Variants in PREX2 observed in about 807,000 individuals in gnomAD.
The protein encoded by PREX2 is phosphatidylinositol-3,4,5-trisphosphate dependent Rac exchange factor 2, also known as phosphatidylinositol 3,4,5-trisphosphate-dependent Rac exchanger 2 protein.
A neutral mutation model predicts 203.2 loss-of-function variants in PREX2; 107 were observed. The ratio of observed to expected loss-of-function variants is 0.53; its 90% CI spans 0.45 to 0.62. The LOEUF (loss-of-function observed/expected upper bound fraction) is 0.62, where lower values mean the gene tolerates loss of function less well. Among genes scored for constraint, PREX2 ranks in the 20% least tolerant of loss-of-function variants. The pLI is 0.00. For synonymous variants in PREX2, 672 were observed against 663.6 expected (o/e 1.01, Z -0.19); for missense variants, 1,777 against 1,955.9 (o/e 0.91, Z 1.72).
At chr8:68,059,752 A>G (rs142765912) in intron 10 of PREX2, among the ~76,000 whole-genome samples, 14 of 152,284 alleles carry the variant, frequency 9.2e-5, no homozygotes, top group African/African-American at 3.4e-4. Context: ...TTCAGTGCCA[A>G]GCTTATTCAG....
In PREX2 at chr8:67,976,472, CAG is replaced by C. The variant is rs1166661527; in HGVS notation, c.141+23950_141+23951del. On this transcript the variant is annotated intron_variant, in intron 1 of 39. Transcript: ENST00000288368. ...ACAGAGAGAGAGAGAGAGACAGAGA[CAG>C]AGAGAGAGAGAGGGGAGAGAGACAG... Among the ~76,000 whole-genome samples, 108 of 66,066 alleles carry C rather than the reference CAG, an allele frequency of 1.6e-3. 3 individuals carry two copies. The highest frequency in any genetic ancestry group is 6.0e-3 in the East Asian group (11 of 1,828). The allele number at this position is 66,066 out of a possible 152,430, so 43.3% of individuals were successfully genotyped here.
chr8:68,065,879 T>C (rs1458377828), intron 11 of PREX2, among the ~76,000 whole-genome samples: 6 of 152,224 alleles, frequency 3.9e-5, no homozygotes, highest in Non-Finnish European at 5.9e-5. Context: ...AGAGATTTAG[T>C]AGGAGATTCC....
At chr8:68,082,046 A>G (rs1162304729) in intron 17 of PREX2, among the ~76,000 whole-genome samples, 2 of 151,856 alleles carry the variant, frequency 1.3e-5, no homozygotes, top group Non-Finnish European at 2.9e-5. Context: ...TCATTCATTC[A>G]TTCATTCATT....
chr8:68,061,650 C>T (rs942564025), intron 11 of PREX2, among the ~76,000 whole-genome samples: 3 of 152,138 alleles, frequency 2.0e-5, no homozygotes, highest in Admixed American at 1.3e-4. Flanking sequence ...TATTCTGAGC[C>T]TTCTTCTCTG....
At chr8:68,139,878 G>T (rs1291227763) in intron 33 of PREX2, among the ~76,000 whole-genome samples, 1 of 152,160 alleles carries the variant, frequency 6.6e-6, no homozygotes, top group African/African-American at 2.4e-5. Flanking sequence ...AACAAATTGT[G>T]TGGTTTTCTG....
At chr8:68,097,376 G>A (rs1437781074) in intron 22 of PREX2, among the ~76,000 whole-genome samples, 175 bp downstream of exon 22, 1 of 151,098 alleles carries the variant, frequency 6.6e-6, no homozygotes, top group East Asian at 1.9e-4. Context: ...CCAGGTGAGA[G>A]TGCAGTGGCG....
intron 8 of PREX2, among the ~76,000 whole-genome samples, chr8:68,046,414 A>G (rs1437301880): frequency 6.6e-6 from 1 of 152,058 alleles, no homozygotes; most frequent in Non-Finnish European, 1.5e-5. Flanking sequence ...ATTGTAAGGG[A>G]ATGAGATCCT....
chr8:68,054,772 T>C (rs936948088), intron 9 of PREX2, among the ~76,000 whole-genome samples: 1 of 152,208 alleles, frequency 6.6e-6, no homozygotes, highest in Non-Finnish European at 1.5e-5. Flanking sequence ...TGTTTTCACC[T>C]GAGTCCTGGA....
chr8:67,973,702 A>G (rs572563962), intron 1 of PREX2, among the ~76,000 whole-genome samples: 1 of 152,254 alleles, frequency 6.6e-6, no homozygotes, highest in African/African-American at 2.4e-5. Context: ...TTGCATTACT[A>G]TGTATGTGGG....
chr8:68,128,709 C>T (rs750680506), intron 31 of PREX2, among the ~76,000 whole-genome samples: 5 of 152,146 alleles, frequency 3.3e-5, no homozygotes, highest in African/African-American at 4.8e-5. Context: ...TTGCCACCTT[C>T]TACTGGCCCC....
At chr8:68,126,907 C>CGT (rs929548671) in intron 30 of PREX2, among the ~76,000 whole-genome samples, 3 of 150,022 alleles carry the variant, frequency 2.0e-5, no homozygotes, top group South Asian at 2.1e-4. Flanking sequence ...TACATATATA[C>CGT]GTGTGTGTGT....
At chr8:68,199,648 G>T (rs529369362) in intron 37 of PREX2, among the ~76,000 whole-genome samples, 55 of 152,266 alleles carry the variant, frequency 3.6e-4, no homozygotes, top group Non-Finnish European at 5.3e-4. Context: ...AAATGAAGAT[G>T]AACAGTATAA....
At chr8:68,213,168 A>G (rs1812773122) in intron 37 of PREX2, among the ~76,000 whole-genome samples, 2 of 152,242 alleles carry the variant, frequency 1.3e-5, no homozygotes. Context: ...CAGCAAACCT[A>G]GCCTGACTGC....
rs745582647 is a variant in PREX2, at chr8:68,044,525, G to A, written c.878G>A (p.Arg293Gln). The A allele has an allele frequency of 6.2e-6, 10 of 1,612,292 alleles. No individual in the cohort carries two copies. Among genetic ancestry groups the A allele is most frequent in the East Asian group, 2.2e-5 (1 of 44,854 alleles). The change falls in exon 8 of 40, where the codon CGG (arginine) becomes CAG (glutamine). Residue 293 changes from arginine to glutamine, a missense_variant. Coordinates refer to ENST00000288368, the MANE Select transcript of PREX2 (RefSeq NM_024870.4). ...AGCAAGGCATCTACAGATGGACATC[G>A]GTACCTTTTTCGTGGCCGGATCAAC... ...KNSKASTDGH[R>Q]YLFRGRINTE...
At chr8:68,027,180 G>C in intron 4 of PREX2, 42 bp from the exon 5 acceptor site, 16 of 1,408,692 alleles carry the variant, frequency 1.1e-5, no homozygotes, top group Non-Finnish European at 1.6e-5. Context: ...CACAGCGTGA[G>C]ATTATTAAAG....
chr8:68,106,948 ACT>A (rs1161181800), intron 23 of PREX2, among the ~76,000 whole-genome samples: 1 of 152,112 alleles, frequency 6.6e-6, no homozygotes, highest in Non-Finnish European at 1.5e-5. Flanking sequence ...GTAGCTAGTG[ACT>A]CTGAATCCTT....
intron 37 of PREX2, among the ~76,000 whole-genome samples, chr8:68,210,047 CA>C (rs1435833741): frequency 6.6e-6 from 1 of 152,210 alleles, no homozygotes; most frequent in Non-Finnish European, 1.5e-5. Flanking sequence ...AAGTAACTTT[CA>C]AAGTCTAAAC....
At chr8:68,143,281 C>G (rs1322017726) in intron 33 of PREX2, among the ~76,000 whole-genome samples, 1 of 152,002 alleles carries the variant, frequency 6.6e-6, no homozygotes, top group Non-Finnish European at 1.5e-5. Flanking sequence ...GTACTGTCTT[C>G]ATGATAATGA....
intron 1 of PREX2, among the ~76,000 whole-genome samples, chr8:68,012,921 A>T (rs1227950676): frequency 6.6e-6 from 1 of 152,252 alleles, no homozygotes; most frequent in Non-Finnish European, 1.5e-5. Flanking sequence ...CTGATAAACC[A>T]TGTCATATGG....
Sources: gnomAD v4.1 joint callset for allele counts (sites outside exome capture counted in the v4.1 genomes callset) on GRCh38, gnomAD v4.1.1 for gene constraint, MANE v1.5 for transcripts, NCBI Gene and HGNC (gene_info 2026-07-23, HGNC 2026-07-21) for gene names.